Variants in CNTNAP2 observed in about 807,000 individuals in gnomAD.
CNTNAP2 encodes the protein contactin associated protein 2, also known as contactin-associated protein-like 2.
In CNTNAP2, 98 loss-of-function variants were observed where a neutral mutation model predicts 155.2. The observed-to-expected ratio is 0.63, with a 90% CI of 0.54 to 0.75. The LOEUF (loss-of-function observed/expected upper bound fraction) is 0.75. Ranked by LOEUF, CNTNAP2 falls within the 30% of genes least tolerant of loss-of-function variation. The pLI is 0.00. For missense variants in CNTNAP2, 1,727 were observed against 1,688.1 expected (o/e 1.02, Z -0.40); for synonymous variants, 651 against 631.2 (o/e 1.03, Z -0.47).
chr7:147,922,279 T>A (rs1222502007), intron 14 of CNTNAP2, among the ~76,000 whole-genome samples: 2 of 152,198 alleles, frequency 1.3e-5, no homozygotes, highest in Admixed American at 6.5e-5. Flanking sequence ...TTTCTAAATG[T>A]ATGAATTGGT....
intron 21 of CNTNAP2, among the ~76,000 whole-genome samples, chr7:148,301,292 T>TAAAAAAA (rs1191956788): frequency 8.4e-6 from 1 of 118,786 alleles, no homozygotes; most frequent in African/African-American, 3.5e-5. Context: ...AGACTCCGTC[T>TAAAAAAA]AAAAAAAAAA....
intron 1 of CNTNAP2, among the ~76,000 whole-genome samples, chr7:146,592,898 A>G (rs2129149826): frequency 6.6e-6 from 1 of 152,182 alleles, no homozygotes; most frequent in East Asian, 1.9e-4. Context: ...CATGCAGTTT[A>G]TGTAGCATTT....
intron 13 of CNTNAP2, among the ~76,000 whole-genome samples, chr7:147,683,246 T>C (rs1795973241): frequency 6.6e-6 from 1 of 151,676 alleles, no homozygotes; most frequent in Non-Finnish European, 1.5e-5. Context: ...TAATCCCAAT[T>C]TAAACAGGTA....
At chr7:147,815,148 C>T (rs957612798) in intron 13 of CNTNAP2, among the ~76,000 whole-genome samples, 2 of 152,090 alleles carry the variant, frequency 1.3e-5, no homozygotes, top group African/African-American at 4.8e-5. Context: ...AGTGTAGACA[C>T]AATAGCAATA....
intron 1 of CNTNAP2, among the ~76,000 whole-genome samples, chr7:146,163,507 CTATATATATCTATATA>C (rs1418093916): frequency 4.6e-5 from 2 of 43,706 alleles, no homozygotes; most frequent in South Asian, 8.2e-4. Context: ...ATCTATATAT[CTATATATATCTATATA>C]TATCTATATA....
chr7:147,271,220 T>C (rs183659686), intron 8 of CNTNAP2, among the ~76,000 whole-genome samples: 83 of 152,338 alleles, frequency 5.4e-4, no homozygotes, highest in Admixed American at 4.9e-3. Flanking sequence ...TCCTTTAAAA[T>C]ACCATTCATT....
intron 16 of CNTNAP2, among the ~76,000 whole-genome samples, chr7:148,142,563 A>T (rs2116645795): frequency 6.6e-6 from 1 of 152,324 alleles, no homozygotes; most frequent in South Asian, 2.1e-4. Context: ...TAGAATGGAA[A>T]AAACGTATCA....
intron 2 of CNTNAP2, among the ~76,000 whole-genome samples, chr7:146,814,966 A>G (rs1803136955): frequency 6.6e-6 from 1 of 152,216 alleles, no homozygotes; most frequent in African/African-American, 2.4e-5. Context: ...AAATTTATGA[A>G]TAATAGAAAT....
In CNTNAP2 at chr7:148,420,944, A is replaced by G. The variant is rs1800100599; in HGVS notation, c.*5328A>G. ...ATGTCTTTCATTTAACTAAAATTAT[A>G]TTAGAAACCAGATTGATAAATAAAA... On this transcript the variant is annotated 3_prime_UTR_variant, in exon 24 of 24. Coordinates refer to ENST00000361727, the MANE Select transcript of CNTNAP2 (RefSeq NM_014141.6). 6.6e-6 allele frequency: 1 copy of G among 152,610 alleles called. No individual in the cohort carries two copies. The highest frequency in any genetic ancestry group is 1.5e-5 in the Non-Finnish European group (1 of 68,024). The allele number at this position is 152,610 out of a possible 1,614,324, so 9.5% of individuals were successfully genotyped here. A position where few individuals can be genotyped will look rare whatever the true frequency, so the allele number is the denominator to read the frequency against.
intron 8 of CNTNAP2, among the ~76,000 whole-genome samples, chr7:147,175,924 T>A (rs1282003376): frequency 6.6e-6 from 1 of 152,214 alleles, no homozygotes; most frequent in African/African-American, 2.4e-5. Flanking sequence ...GTATTCAGGA[T>A]GACATGATGA....
intron 18 of CNTNAP2, among the ~76,000 whole-genome samples, chr7:148,180,319 C>A (rs1337735048): frequency 6.6e-6 from 1 of 150,676 alleles, no homozygotes; most frequent in Non-Finnish European, 1.5e-5. Context: ...TTTTTCTTTT[C>A]TTCTTAGAGA....
intron 9 of CNTNAP2, among the ~76,000 whole-genome samples, chr7:147,337,503 C>A (rs1584882790): frequency 6.6e-6 from 1 of 152,048 alleles, no homozygotes; most frequent in Non-Finnish European, 1.5e-5. Flanking sequence ...CATATGGGGA[C>A]CTGTCCTGCA....
chr7:147,492,046 A>G (rs10258017), intron 11 of CNTNAP2, among the ~76,000 whole-genome samples: 44,588 of 152,022 alleles, frequency 0.29, 6,700 homozygotes, highest in East Asian at 0.43. Flanking sequence ...CAACAAAGAT[A>G]ATATCTTAGA....
chr7:147,302,448 A>C (rs1255355759), intron 9 of CNTNAP2, among the ~76,000 whole-genome samples: 1 of 152,202 alleles, frequency 6.6e-6, no homozygotes, highest in East Asian at 1.9e-4. Flanking sequence ...AGTCAGGAGA[A>C]TATTGATTTC....
At chr7:147,768,809 CA>C (rs1487164698) in intron 13 of CNTNAP2, among the ~76,000 whole-genome samples, 1 of 151,898 alleles carries the variant, frequency 6.6e-6, no homozygotes, top group Non-Finnish European at 1.5e-5. Context: ...GTATGAGCTA[CA>C]AAAAATTATG....
chr7:147,473,384 C>G lies in CNTNAP2; in HGVS notation c.1671-12551C>G, dbSNP rs552744892. On this transcript the variant is annotated intron_variant, in intron 10 of 23. Coordinates refer to ENST00000361727, the MANE Select transcript of CNTNAP2 (RefSeq NM_014141.6). Reference sequence around the variant, plus strand: ...GTGTAAGTTGAATGGGTTGACAAAGCCAGAGGAGATAGGACACAGAGCTCA... The same window carrying G: ...GTGTAAGTTGAATGGGTTGACAAAGGCAGAGGAGATAGGACACAGAGCTCA... 5.9e-5 allele frequency among the ~76,000 whole-genome samples: 9 copies of G among 152,122 alleles called. No homozygotes were observed. In the East Asian group the frequency reaches 1.7e-3, roughly 29 times the overall value.
At chr7:146,527,338 T>A (rs1470225284) in intron 1 of CNTNAP2, among the ~76,000 whole-genome samples, 1 of 152,152 alleles carries the variant, frequency 6.6e-6, no homozygotes, top group African/African-American at 2.4e-5. Flanking sequence ...AAAAACAGTG[T>A]TTTTTATTTA....
intron 17 of CNTNAP2, among the ~76,000 whole-genome samples, chr7:148,161,336 C>T (rs911574154): frequency 2.0e-5 from 3 of 152,152 alleles, no homozygotes; most frequent in African/African-American, 7.2e-5. Flanking sequence ...TGTCATTTCG[C>T]CTTCTGAGTT....
At chr7:147,747,639 T>C (rs1316601349) in intron 13 of CNTNAP2, among the ~76,000 whole-genome samples, 3 of 152,314 alleles carry the variant, frequency 2.0e-5, no homozygotes, top group South Asian at 2.1e-4. Flanking sequence ...GATCCTATGA[T>C]AGTTCTAGTT....
Sources: gnomAD v4.1 joint callset for allele counts (sites outside exome capture counted in the v4.1 genomes callset) on GRCh38, gnomAD v4.1.1 for gene constraint, MANE v1.5 for transcripts, NCBI Gene and HGNC (gene_info 2026-07-23, HGNC 2026-07-21) for gene names.